The following KMT2C variants were observed in gnomAD, a reference collection of about 807,000 sequenced individuals.
KMT2C encodes lysine methyltransferase 2C, also known as histone-lysine N-methyltransferase 2C.
KMT2C carries 88 observed loss-of-function variants against 507.9 expected under a neutral mutation model. The observed-to-expected ratio is 0.17, with a 90% confidence interval of 0.15 to 0.21. The LOEUF is 0.21. KMT2C is among the 10% of genes least tolerant of loss of function. KMT2C has a pLI of 1.00. For missense variants in KMT2C, 4,954 were observed against 5,957.8 expected, an observed-to-expected ratio of 0.83 and a Z score of 5.55; for synonymous variants, 2,049 against 2,080.8, an observed-to-expected ratio of 0.98 and a Z score of 0.42.
At chr7:152,292,984 T>C (rs1208186997) in intron 6 of KMT2C, among the ~76,000 whole-genome samples, 2 of 152,200 alleles carry the variant, frequency 1.3e-5, no homozygotes, top group African/African-American at 4.8e-5. Flanking sequence ...GCTTTTCTAA[T>C]TGTTCTCAGT....
chr7:152,182,916 C>A, intron 35 of KMT2C, 58 bp downstream of exon 35: 1 of 1,235,258 alleles, frequency 8.1e-7, no homozygotes, highest in Non-Finnish European at 1.1e-6. Context: ...ATGCAAAGAC[C>A]TCCCTTCTCA....
At chr7:152,292,753 T>C (rs1220815338) in intron 6 of KMT2C, among the ~76,000 whole-genome samples, 2 of 152,136 alleles carry the variant, frequency 1.3e-5, no homozygotes, top group African/African-American at 4.8e-5. Context: ...TAAATTCCCT[T>C]TTTGTCTTCC....
Position 152,215,676 on chromosome 7 carries a change from A to AATAT in KMT2C, c.3712+4843_3712+4846dup, listed in dbSNP as rs1200314833. ...AATAGTAGTAAGACAAAAGGAACAA[A>AATAT]ATATATATATATACACACACACATA... On this transcript the variant is annotated intron_variant, in intron 23 of 58. Coordinates refer to ENST00000262189, the MANE Select transcript of KMT2C (RefSeq NM_170606.3). Among the ~76,000 whole-genome samples the AATAT allele has an allele frequency of 4.2e-3, 566 of 134,560 alleles. 37 individuals are homozygous for AATAT. Among genetic ancestry groups the AATAT allele is most frequent in the African/African-American group, 0.019 (548 of 29,008 alleles). 88.3% of individuals were successfully genotyped at this position (134,560 alleles called of 152,430 possible).
intron 24 of KMT2C, among the ~76,000 whole-genome samples, 175 bp downstream of exon 24, chr7:152,207,125 C>T (rs533935508): frequency 5.3e-5 from 8 of 152,188 alleles, no homozygotes; most frequent in African/African-American, 1.9e-4. Flanking sequence ...ATAAAGAACT[C>T]TAGAGCTAAA....
At position 152,246,724 on chromosome 7, in the gene KMT2C, G is replaced by A. The variant is rs538669029; in HGVS notation, c.2532+1178C>T. On this transcript the variant is annotated intron_variant, in intron 14 of 58. Coordinates refer to ENST00000262189, the MANE Select transcript of KMT2C (RefSeq NM_170606.3). ...AACTTACTAGAAAGGAGCACAACTG[G>A]TTTGAGAAGAAAAACTTTTCATGGT... is the stretch of plus-strand genomic sequence containing the variant. 4.9e-4 allele frequency among the ~76,000 whole-genome samples: 75 copies of A among 152,108 alleles called. No homozygotes were observed. The Middle Eastern group carries it at 0.01, about 21-fold the overall frequency.
At chr7:152,240,489 G>C (rs1481057052) in intron 14 of KMT2C, among the ~76,000 whole-genome samples, 1 of 152,186 alleles carries the variant, frequency 6.6e-6, no homozygotes, top group Non-Finnish European at 1.5e-5. Flanking sequence ...TCTACAATGA[G>C]GGCATCTTGG....
At chr7:152,408,814 T>TAAA (rs33915849) in intron 1 of KMT2C, among the ~76,000 whole-genome samples, 40 of 122,314 alleles carry the variant, frequency 3.3e-4, no homozygotes, top group African/African-American at 1.1e-3. Context: ...AAGGTTTTGT[T>TAAA]AAAAAAAAAA....
rs751447941 is a variant in KMT2C at position 152,163,106 on chromosome 7, CTTG to C, written c.10468_10470del (p.Gln3490del). Reference sequence around the variant, plus strand: ...TGGGTGGAGGGTGAATTAATTGATCCTTGTTGTATATTCTGCTGCTGTAAAACC... The same window carrying C: ...TGGGTGGAGGGTGAATTAATTGATCCTTGTATATTCTGCTGCTGTAAAACC... On this transcript the variant is annotated inframe_deletion, in exon 43 of 59. Coordinates refer to ENST00000262189, the MANE Select transcript of KMT2C (RefSeq NM_170606.3). 21 of 1,614,168 alleles carry C rather than the reference CTTG, an allele frequency of 1.3e-5. No individual in the cohort carries two copies. Among genetic ancestry groups the C allele is most frequent in the Non-Finnish European group, 1.8e-5 (21 of 1,180,038 alleles).
chr7:152,344,341 T>C (rs2097030739), intron 2 of KMT2C, among the ~76,000 whole-genome samples: 1 of 152,200 alleles, frequency 6.6e-6, no homozygotes, highest in Admixed American at 6.5e-5. Context: ...AACAGGCAGG[T>C]AGCATATACA....
At chr7:152,365,916 C>A (rs1203653017) in intron 1 of KMT2C, among the ~76,000 whole-genome samples, 1 of 152,010 alleles carries the variant, frequency 6.6e-6, no homozygotes, top group Non-Finnish European at 1.5e-5. Flanking sequence ...ACAAAAACAA[C>A]CCAACTCAAA....
intron 34 of KMT2C, among the ~76,000 whole-genome samples, chr7:152,184,499 G>T (rs545478176): frequency 6.6e-6 from 1 of 152,278 alleles, no homozygotes; most frequent in Non-Finnish European, 1.5e-5. Flanking sequence ...TCATGGCAAA[G>T]ATCATGTGTC....
At chr7:152,236,346 T>A (rs1233703063) in intron 15 of KMT2C, among the ~76,000 whole-genome samples, 2 of 152,258 alleles carry the variant, frequency 1.3e-5, no homozygotes, top group African/African-American at 4.8e-5. Context: ...ATAGCTAACA[T>A]CTATTGAGTA....
At chr7:152,311,093 CATTTT>C (rs67192559) in intron 5 of KMT2C, among the ~76,000 whole-genome samples, 6,718 of 152,050 alleles carry the variant, frequency 0.044, 229 homozygotes, top group South Asian at 0.089. Context: ...AGTTTTTAGT[CATTTT>C]ATTTAAATAT....
chr7:152,386,232 T>C (rs1427999388), intron 1 of KMT2C, among the ~76,000 whole-genome samples: 9 of 147,116 alleles, frequency 6.1e-5, no homozygotes. Context: ...AAAGGGACAA[T>C]AGTAGTCTTT....
chr7:152,298,263 T>G (rs577209310), intron 6 of KMT2C, among the ~76,000 whole-genome samples: 1 of 152,100 alleles, frequency 6.6e-6, no homozygotes, highest in Non-Finnish European at 1.5e-5. Context: ...GAAAATGTTC[T>G]AGCCATAAAA....
chr7:152,177,020 T>C lies in KMT2C; in HGVS notation c.8433A>G (p.Ser2811=). 6.2e-7 allele frequency: 1 copy of C among 1,614,156 alleles called. No homozygotes were observed. Among genetic ancestry groups the C allele is most frequent in the Non-Finnish European group, 8.5e-7 (1 of 1,180,038 alleles). The change falls in exon 38 of 59, where the codon TCA becomes TCG. Residue 2811 remains serine, a synonymous_variant. Transcript: ENST00000262189. The part of the protein sequence containing the change: ...NKTLVLSDKH[S]PQKKSTVTNE... ...TGGTAACAGTGGATTTTTTCTGTGG[T>C]GAATGTTTATCAGAGAGAACCAGAG...
intron 27 of KMT2C, 111 bp downstream of exon 27, chr7:152,199,168 G>T (rs1022853710): frequency 7.4e-6 from 6 of 810,328 alleles, no homozygotes; most frequent in Non-Finnish European, 1.2e-5. Flanking sequence ...CAATGCTGTT[G>T]ATTTTTAAAA....
intron 1 of KMT2C, among the ~76,000 whole-genome samples, chr7:152,371,483 T>C (rs1261040404): frequency 6.6e-6 from 1 of 151,844 alleles, no homozygotes; most frequent in African/African-American, 2.4e-5. Context: ...CAAACAAACT[T>C]ACAAGAGTCA....
At chr7:152,190,976 CTTT>C (rs997734823) in intron 31 of KMT2C, among the ~76,000 whole-genome samples, 2 of 152,158 alleles carry the variant, frequency 1.3e-5, no homozygotes, top group Non-Finnish European at 2.9e-5. Flanking sequence ...TCTCTCACCA[CTTT>C]TTTTACTTTC....
Sources: allele counts gnomAD v4.1 joint callset (sites outside exome capture counted in the v4.1 genomes callset), GRCh38; gene constraint gnomAD v4.1.1; transcripts MANE v1.5; gene names NCBI Gene and HGNC (gene_info 2026-07-23, HGNC 2026-07-21).